The following TAX1BP1 variants were observed in gnomAD, a reference collection of about 807,000 sequenced individuals.
The protein encoded by TAX1BP1 is Tax1 binding protein 1, also known as tax1-binding protein 1.
In TAX1BP1, 62 loss-of-function variants were observed where a neutral mutation model predicts 97.7. That is an observed-to-expected ratio of 0.63 (90% CI 0.52 to 0.78). TAX1BP1 has a LOEUF of 0.78. Among genes scored for constraint, TAX1BP1 ranks in the 30% least tolerant of loss-of-function variants. The pLI, the probability that TAX1BP1 is intolerant of heterozygous loss-of-function variation, is 0.00. For missense variants in TAX1BP1, 867 were observed against 916.1 expected (o/e 0.95, Z 0.69); for synonymous variants, 340 against 304.2 (o/e 1.12, Z -1.23).
intron 1 of TAX1BP1, among the ~76,000 whole-genome samples, chr7:27,743,649 A>G (rs1787702222): frequency 6.6e-6 from 1 of 152,212 alleles, no homozygotes; most frequent in African/African-American, 2.4e-5. Flanking sequence ...AGTAAAATGA[A>G]CCGACACTTT....
intron 8 of TAX1BP1, among the ~76,000 whole-genome samples, chr7:27,789,893 A>G (rs1213474812): frequency 6.6e-6 from 1 of 152,004 alleles, no homozygotes; most frequent in East Asian, 1.9e-4. Context: ...ATAAGATGCT[A>G]AAAATTTCTC....
intron 13 of TAX1BP1, among the ~76,000 whole-genome samples, chr7:27,805,831 G>A (rs918844706): frequency 6.6e-6 from 1 of 151,286 alleles, no homozygotes; most frequent in African/African-American, 2.4e-5. Context: ...GTGAGACTCT[G>A]TATCAACAAC....
intron 15 of TAX1BP1, among the ~76,000 whole-genome samples, chr7:27,819,349 T>C (rs1175081907): frequency 1.3e-5 from 2 of 152,204 alleles, no homozygotes; most frequent in African/African-American, 4.8e-5. Context: ...TAATGGGATG[T>C]GTGTGACTAT....
intron 13 of TAX1BP1, among the ~76,000 whole-genome samples, chr7:27,803,682 A>AG (rs1041174508): frequency 4.6e-4 from 69 of 151,170 alleles, no homozygotes; most frequent in African/African-American, 1.5e-3. Flanking sequence ...CTCACAGTAG[A>AG]GAAAAAAAAA....
upstream of TAX1BP1, chr7:27,740,054 G>A (rs931949349): frequency 2.6e-5 from 4 of 152,476 alleles, no homozygotes; most frequent in African/African-American, 9.6e-5. Context: ...TGGGCTGGGG[G>A]CGTGTCGTCG....
intron 12 of TAX1BP1, among the ~76,000 whole-genome samples, chr7:27,799,731 A>AT (rs1190939049): frequency 6.6e-6 from 1 of 152,048 alleles, no homozygotes; most frequent in African/African-American, 2.4e-5. Context: ...GTATCTTAAC[A>AT]TTTTTTCTTG....
chr7:27,804,105 T>A (rs979672180), intron 13 of TAX1BP1, among the ~76,000 whole-genome samples: 1 of 152,258 alleles, frequency 6.6e-6, no homozygotes, highest in East Asian at 1.9e-4. Flanking sequence ...TGCTTTCCAA[T>A]GTTTACAAAC....
intron 13 of TAX1BP1, chr7:27,803,315 A>G: frequency 1.2e-6 from 1 of 867,680 alleles, no homozygotes; most frequent in Non-Finnish European, 1.6e-6. Context: ...ATTTCTAAAA[A>G]TTACGTGAAA....
rs187352542 is a variant in TAX1BP1, at chr7:27,821,113, G to T, written c.2085+4075G>T. On this transcript the variant is annotated intron_variant, in intron 15 of 16. Transcript: ENST00000396319. ...GAATATGTCATCAAAAGGATTAAATGAATCTTTGCTGTTCCATTTAAAATT... is the reference window on the plus strand; with the variant it reads ...GAATATGTCATCAAAAGGATTAAATTAATCTTTGCTGTTCCATTTAAAATT... Among the ~76,000 whole-genome samples, 7 of 152,246 alleles carry T rather than the reference G, an allele frequency of 4.6e-5. No individual in the cohort carries two copies. The East Asian group carries it at 1.3e-3, about 29-fold the overall frequency.
intron 11 of TAX1BP1, among the ~76,000 whole-genome samples, chr7:27,794,829 T>G: frequency 6.6e-6 from 1 of 152,190 alleles, no homozygotes; most frequent in East Asian, 1.9e-4. Context: ...AATTTTTAAA[T>G]TCTGCAGGGG....
intron 2 of TAX1BP1, among the ~76,000 whole-genome samples, chr7:27,757,665 T>A (rs1788275116): frequency 6.6e-6 from 1 of 152,090 alleles, no homozygotes; most frequent in African/African-American, 2.4e-5. Context: ...AAAATAATAC[T>A]CTGTGGTCAA....
chr7:27,743,597 A>C (rs950006657), intron 1 of TAX1BP1, among the ~76,000 whole-genome samples: 2 of 152,108 alleles, frequency 1.3e-5, no homozygotes, highest in African/African-American at 4.8e-5. Context: ...CTTTGGTTTT[A>C]CTATTACAGA....
intron 13 of TAX1BP1, among the ~76,000 whole-genome samples, chr7:27,814,057 AAGTGCT>A (rs150003293): frequency 0.024 from 3,605 of 151,946 alleles, 73 homozygotes; most frequent in East Asian, 0.082. Context: ...CGGCCTCCCA[AAGTGCT>A]GGGATTACAG....
chr7:27,769,736 G>GA lies in TAX1BP1; in HGVS notation c.519dup (p.Glu174ArgfsTer17). The GA allele has an allele frequency of 6.2e-7, 1 of 1,612,480 alleles. No individual in the cohort carries two copies. Among genetic ancestry groups the GA allele is most frequent in the Non-Finnish European group, 8.5e-7 (1 of 1,179,052 alleles). ...ACTGTTAAAGTTAATTGCCGTTCTGGAAAAAGAAACAGCACAACTTCGAGA... is the reference window on the plus strand; with the variant it reads ...ACTGTTAAAGTTAATTGCCGTTCTGGAAAAAAGAAACAGCACAACTTCGAGA... On this transcript the variant is annotated frameshift_variant, in exon 5 of 17. Coordinates refer to ENST00000396319, the MANE Select transcript of TAX1BP1 (RefSeq NM_006024.7). LOFTEE classifies it high-confidence loss of function.
chr7:27,768,937 G>C (rs531772267), intron 4 of TAX1BP1, among the ~76,000 whole-genome samples: 160 of 152,066 alleles, frequency 1.1e-3, no homozygotes, highest in African/African-American at 3.7e-3. Flanking sequence ...AGTCTTCCCT[G>C]TGAGTCTTCA....
chr7:27,758,659 A>G (rs1485258616), intron 3 of TAX1BP1, among the ~76,000 whole-genome samples: 1 of 152,170 alleles, frequency 6.6e-6, no homozygotes, highest in Non-Finnish European at 1.5e-5. Flanking sequence ...ATGCTACAAT[A>G]TGGGTGAACA....
chr7:27,749,006 C>T (rs546007676), intron 2 of TAX1BP1, among the ~76,000 whole-genome samples: 1 of 152,236 alleles, frequency 6.6e-6, no homozygotes, highest in Non-Finnish European at 1.5e-5. Context: ...ATATTATTTA[C>T]CATTTTTTCC....
chr7:27,755,853 A>C (rs1044747494), intron 2 of TAX1BP1, among the ~76,000 whole-genome samples: 2 of 152,184 alleles, frequency 1.3e-5, no homozygotes, highest in East Asian at 3.8e-4. Context: ...GTATTTTGGC[A>C]GTTTTATATA....
At chr7:27,817,938 A>T (rs1365462398) in intron 15 of TAX1BP1, among the ~76,000 whole-genome samples, 1 of 152,152 alleles carries the variant, frequency 6.6e-6, no homozygotes, top group East Asian at 1.9e-4. Flanking sequence ...CTAGTGCTCA[A>T]CACCCATAAT....
Sources: gnomAD v4.1 joint callset for allele counts (sites outside exome capture counted in the v4.1 genomes callset) on GRCh38, gnomAD v4.1.1 for gene constraint, MANE v1.5 for transcripts, NCBI Gene and HGNC (gene_info 2026-07-23, HGNC 2026-07-21) for gene names.